GLI2: variants seen among roughly 807,000 people sequenced by gnomAD.
GLI2 encodes the protein GLI family zinc finger 2.
A neutral mutation model predicts 78.9 loss-of-function variants in GLI2; 22 were observed. The observed-to-expected ratio is 0.28, with a 90% CI of 0.20 to 0.40. The LOEUF (loss-of-function observed/expected upper bound fraction) is 0.40, where lower values mean the gene tolerates loss of function less well. GLI2 is among the 10% of genes least tolerant of loss of function. The pLI is 1.00. For synonymous variants in GLI2, 974 were observed against 963.7 expected (o/e 1.01, Z -0.20); for missense variants, 2,097 against 2,213.2 (o/e 0.95, Z 1.05).
chr2:120,989,219 C>T lies in GLI2; in HGVS notation c.3254C>T (p.Pro1085Leu). Residue 1085 changes from proline to leucine, a missense_variant, in exon 14 of 14, where the codon CCG becomes CTG. Physicochemically the swap from Pro to Leu is moderately conservative, Grantham distance 98. Coordinates refer to ENST00000361492, the MANE Select transcript of GLI2 (RefSeq NM_001374353.1). ...GFSDNPRLPSPGLHGQRRMVA... is the reference protein window; with the variant it reads ...GFSDNPRLPSLGLHGQRRMVA... Reference sequence around the variant, plus strand: ...TCTGACAACCCCAGACTACCCAGCCCGGGGCTGCACGGCCAGCGCAGGATG... The same window carrying T: ...TCTGACAACCCCAGACTACCCAGCCTGGGGCTGCACGGCCAGCGCAGGATG... 1.2e-6 allele frequency: 2 copies of T among 1,613,178 alleles called. No individual in the cohort carries two copies. Among genetic ancestry groups the T allele is most frequent in the Non-Finnish European group, 1.7e-6 (2 of 1,180,014 alleles).
chr2:120,749,408 C>T (rs1682798749), intron 1 of GLI2, among the ~76,000 whole-genome samples: 1 of 152,100 alleles, frequency 6.6e-6, no homozygotes, highest in Admixed American at 6.5e-5. Context: ...TGGTATAGTT[C>T]ATTTGGACCC....
intron 2 of GLI2, among the ~76,000 whole-genome samples, chr2:120,910,275 C>A (rs1678750818): frequency 6.6e-6 from 1 of 152,192 alleles, no homozygotes; most frequent in Admixed American, 6.5e-5. Flanking sequence ...CCCTCAGCCA[C>A]CTGGTCCCTT....
chr2:120,864,297 G>A lies in GLI2; in HGVS notation c.149-63064G>A, dbSNP rs745692462. ...GTAGTTTTGTTGCCTGGCTGTGTCC[G>A]TTTCCCACCTGCTGTTTTTTACATG... On this transcript the variant is annotated intron_variant, in intron 2 of 13. Coordinates refer to ENST00000361492, the MANE Select transcript of GLI2 (RefSeq NM_001374353.1). Among the ~76,000 whole-genome samples the A allele has an allele frequency of 3.9e-5, 6 of 152,252 alleles. No individual in the cohort carries two copies. The South Asian group carries it at 1.0e-3, about 26-fold the overall frequency.
intron 10 of GLI2, among the ~76,000 whole-genome samples, chr2:120,978,917 G>A (rs534088793): frequency 6.6e-6 from 1 of 152,356 alleles, no homozygotes; most frequent in South Asian, 2.1e-4. Context: ...AAGAGGGACA[G>A]CTCCATAGTG....
At position 120,820,313 on chromosome 2, in the gene GLI2, C is replaced by T. The variant is rs1488933394; in HGVS notation, c.148+22845C>T. Reference sequence around the variant, plus strand: ...AGTCTAAACTCTCAGCTGTCGCCCTCGTATTTGCTCAGGGGCCCCTGTTAG... The same window carrying T: ...AGTCTAAACTCTCAGCTGTCGCCCTTGTATTTGCTCAGGGGCCCCTGTTAG... On this transcript the variant is annotated intron_variant, in intron 2 of 13. Transcript: ENST00000361492. 3.9e-5 allele frequency among the ~76,000 whole-genome samples: 6 copies of T among 152,324 alleles called. 1 individual carries two copies. The South Asian group carries it at 6.2e-4, about 16-fold the overall frequency.
chr2:120,796,559 A>C (rs2104695012), intron 1 of GLI2, among the ~76,000 whole-genome samples: 1 of 152,210 alleles, frequency 6.6e-6, no homozygotes, highest in Non-Finnish European at 1.5e-5. Flanking sequence ...CCCCTCAGGC[A>C]TCCCATCCCT....
At chr2:120,885,359 T>C (rs1037703137) in intron 2 of GLI2, among the ~76,000 whole-genome samples, 3 of 152,194 alleles carry the variant, frequency 2.0e-5, no homozygotes, top group Admixed American at 6.5e-5. Context: ...GCTTTGTAAA[T>C]GGCCCCTCAA....
intron 1 of GLI2, among the ~76,000 whole-genome samples, chr2:120,744,536 T>C (rs1304658446): frequency 6.6e-6 from 1 of 152,238 alleles, no homozygotes; most frequent in East Asian, 1.9e-4. Context: ...TGGTACATAA[T>C]ATAGTAATTT....
rs145751002 is a variant in GLI2 at position 120,989,274 on chromosome 2, C to T, written c.3309C>T (p.Ser1103=). 335 of 1,613,146 alleles carry T rather than the reference C, an allele frequency of 2.1e-4. 1 individual carries two copies. The highest frequency in any genetic ancestry group is 9.6e-4 in the African/African-American group (72 of 75,066). Residue 1103 remains serine, a synonymous_variant, in exon 14 of 14, where the codon TCC becomes TCT. Transcript: ENST00000361492. ...CTGCGGACTCCAACGTGGGCCCCTC[C>T]GCCCCTATGCTGGGAGGATGCCAGT... The part of the protein sequence containing the change: ...MVAADSNVGP[S]APMLGGCQLG...
chr2:120,848,118 C>T (rs932685144), intron 2 of GLI2, among the ~76,000 whole-genome samples: 1 of 152,234 alleles, frequency 6.6e-6, no homozygotes, highest in Non-Finnish European at 1.5e-5. Flanking sequence ...GTCCGGCCCC[C>T]GCAGACCGCG....
chr2:120,899,746 T>G (rs10173670), intron 2 of GLI2, among the ~76,000 whole-genome samples: 6,537 of 152,190 alleles, frequency 0.043, 195 homozygotes, highest in African/African-American at 0.085. Context: ...ACTCTGAGGG[T>G]TAAGTGAAGT....
At chr2:120,834,934 C>A (rs1289603347) in intron 2 of GLI2, among the ~76,000 whole-genome samples, 1 of 152,152 alleles carries the variant, frequency 6.6e-6, no homozygotes, top group Non-Finnish European at 1.5e-5. Context: ...CTGGGCTAAA[C>A]CCACATGGGT....
intron 2 of GLI2, among the ~76,000 whole-genome samples, chr2:120,909,290 A>T (rs937273227): frequency 3.3e-5 from 5 of 151,540 alleles, no homozygotes; most frequent in African/African-American, 9.7e-5. Context: ...CCTCTTCTCA[A>T]ATGTGGCCCT....
intron 6 of GLI2, 77 bp downstream of exon 6, chr2:120,968,992 G>T (rs568338563): frequency 6.3e-5 from 71 of 1,128,220 alleles, no homozygotes; most frequent in Admixed American, 1.1e-4. Flanking sequence ...TGGCTTTTCA[G>T]TGGGCGCTTT....
At chr2:120,872,612 G>A (rs1035600561) in intron 2 of GLI2, among the ~76,000 whole-genome samples, 11 of 152,262 alleles carry the variant, frequency 7.2e-5, no homozygotes, top group African/African-American at 2.7e-4. Context: ...ACCTAGCCCA[G>A]TGATCAGGAG....
intron 5 of GLI2, among the ~76,000 whole-genome samples, chr2:120,960,968 C>T (rs752841134): frequency 6.6e-5 from 10 of 152,158 alleles, no homozygotes; most frequent in Admixed American, 1.3e-4. Context: ...GTCAGGGAAC[C>T]GAGGTCATCA....
Position 120,778,110 on chromosome 2 carries a change from A to G in GLI2, c.-30-19181A>G, listed in dbSNP as rs557716296. ...GAGGAGGGAAGGTGGCCCAGTACCC[A>G]CTGTAAACAGAGCTGCTGCCACCTA... is the stretch of plus-strand genomic sequence containing the variant. On this transcript the variant is annotated intron_variant, in intron 1 of 13. Transcript: ENST00000361492. 9.9e-5 allele frequency among the ~76,000 whole-genome samples: 15 copies of G among 152,222 alleles called. No homozygotes were observed. In the East Asian group the frequency reaches 2.9e-3, roughly 29 times the overall value.
intron 2 of GLI2, among the ~76,000 whole-genome samples, chr2:120,848,132 C>G (rs888704270): frequency 6.6e-6 from 1 of 152,214 alleles, no homozygotes; most frequent in Non-Finnish European, 1.5e-5. Flanking sequence ...GACCGCGCAG[C>G]GCGCACCTGA....
chr2:120,890,144 C>T (rs548631644), intron 2 of GLI2, among the ~76,000 whole-genome samples: 53 of 152,280 alleles, frequency 3.5e-4, no homozygotes, highest in African/African-American at 1.3e-3. Context: ...AGGGACAAAC[C>T]ATAGATGCCT....
Sources: allele counts gnomAD v4.1 joint callset (sites outside exome capture counted in the v4.1 genomes callset), GRCh38; gene constraint gnomAD v4.1.1; transcripts MANE v1.5; gene names NCBI Gene and HGNC (gene_info 2026-07-23, HGNC 2026-07-21).